The following NFIX variants were observed in gnomAD, a reference collection of about 807,000 sequenced individuals.
NFIX encodes the protein nuclear factor 1 X-type.
In NFIX, 2 loss-of-function variants were observed where a neutral mutation model predicts 53.3. That is an observed-to-expected ratio of 0.04 (90% CI 0.02 to 0.12). The LOEUF (loss-of-function observed/expected upper bound fraction) is 0.12. NFIX is among the 10% of genes least tolerant of loss of function. NFIX has a pLI of 1.00. For missense variants in NFIX, 310 were observed against 674.5 expected (o/e 0.46, Z 5.99); for synonymous variants, 244 against 289.0 (o/e 0.84, Z 1.58).
intron 2 of NFIX, among the ~76,000 whole-genome samples, chr19:13,046,337 G>C (rs899223): frequency 0.07 from 10,578 of 152,102 alleles, 469 homozygotes; most frequent in Admixed American, 0.11. Context: ...GGGCAGGGTG[G>C]CTTCTGATGC....
intron 2 of NFIX, among the ~76,000 whole-genome samples, chr19:13,064,125 G>A (rs953667709): frequency 1.2e-4 from 19 of 152,194 alleles, no homozygotes; most frequent in African/African-American, 4.3e-4. Context: ...GGGGTATGGA[G>A]GGCATTCTCC....
At chr19:13,092,185 C>G (rs552468056) in intron 10 of NFIX, among the ~76,000 whole-genome samples, 1 of 152,218 alleles carries the variant, frequency 6.6e-6, no homozygotes, top group African/African-American at 2.4e-5. Context: ...ATCTCTGGAG[C>G]ACCAGATGGA....
chr19:13,077,693 G>C (rs1375621901), intron 6 of NFIX, among the ~76,000 whole-genome samples: 1 of 152,170 alleles, frequency 6.6e-6, no homozygotes, highest in Non-Finnish European at 1.5e-5. Flanking sequence ...TGTGAGATCT[G>C]CCCCAACTCT....
rs1373146412 is a variant in NFIX at position 13,089,795 on chromosome 19, C to T, written c.1403-504C>T. Among the ~76,000 whole-genome samples the T allele has an allele frequency of 3.3e-5, 5 of 152,158 alleles. No individual in the cohort carries two copies. Among genetic ancestry groups the T allele is most frequent in the East Asian group, 1.9e-4 (1 of 5,176 alleles). ...GGTAGCCTGGCTGGGAAGGCCTTCCCGAAGCAGGGTGGGGCCGGACTGCCA... is the reference window on the plus strand; with the variant it reads ...GGTAGCCTGGCTGGGAAGGCCTTCCTGAAGCAGGGTGGGGCCGGACTGCCA... On this transcript the variant is annotated intron_variant, in intron 9 of 10. Coordinates refer to ENST00000592199, the MANE Select transcript of NFIX (RefSeq NM_001365902.3). The surrounding 1 kb of genome is among the most constrained non-coding windows in gnomAD (Gnocchi z 4.8).
chr19:13,030,331 C>T (rs1431937630), intron 2 of NFIX, among the ~76,000 whole-genome samples: 2 of 152,148 alleles, frequency 1.3e-5, no homozygotes, highest in Non-Finnish European at 2.9e-5. Context: ...TAGGATGGTT[C>T]CAGGGATTAA....
chr19:13,062,623 G>C (rs1199325021), intron 2 of NFIX, among the ~76,000 whole-genome samples: 1 of 152,170 alleles, frequency 6.6e-6, no homozygotes, highest in Non-Finnish European at 1.5e-5. Flanking sequence ...CACTTCCCCA[G>C]CCATGGACCA....
intron 10 of NFIX, among the ~76,000 whole-genome samples, chr19:13,092,823 G>C (rs530598506): frequency 2.0e-5 from 3 of 152,328 alleles, no homozygotes; most frequent in Non-Finnish European, 2.9e-5. Flanking sequence ...ACCCACTCTG[G>C]GGATGCCTCA....
In NFIX at chr19:13,021,744, C is replaced by A. The variant is rs906541685; in HGVS notation, c.28-3277C>A. On this transcript the variant is annotated intron_variant, in intron 1 of 10. Transcript: ENST00000592199. This position sits in a 1 kb window ranked among gnomAD's most constrained non-coding sequence, Gnocchi z 4.2. ...TGCTCCATAGCTCTAACTGGAGAGA[C>A]CCCCTCAGAAGTGGGACTCCCCTAC... Among the ~76,000 whole-genome samples, 1 of 151,950 alleles carries A rather than the reference C, an allele frequency of 6.6e-6. No individual in the cohort carries two copies. The highest frequency in any genetic ancestry group is 2.4e-5 in the African/African-American group (1 of 41,362).
intron 2 of NFIX, chr19:13,070,123 C>G (rs1042191642): frequency 2.0e-5 from 3 of 152,006 alleles, no homozygotes; most frequent in Non-Finnish European, 4.4e-5. Flanking sequence ...CTCCTTGCCT[C>G]CCCAGGAGCT....
chr19:13,023,113 C>A (rs927605402), intron 1 of NFIX, among the ~76,000 whole-genome samples: 10 of 125,602 alleles, frequency 8.0e-5, no homozygotes, highest in Non-Finnish European at 1.4e-4. Flanking sequence ...TTTCTCCCCC[C>A]ACCCCTTTTT....
intron 1 of NFIX, among the ~76,000 whole-genome samples, chr19:13,007,648 C>T (rs1402126281): frequency 2.6e-5 from 4 of 152,218 alleles, no homozygotes; most frequent in East Asian, 1.9e-4. Context: ...GCCTCGCCTT[C>T]GGTACTTGTG....
Position 13,088,314 on chromosome 19 carries a change from C to T in NFIX, c.1402+178C>T, listed in dbSNP as rs1242952168. Among the ~76,000 whole-genome samples the T allele has an allele frequency of 6.6e-6, 1 of 151,988 alleles. No individual in the cohort carries two copies. The highest frequency in any genetic ancestry group is 1.5e-5 in the Non-Finnish European group (1 of 67,960). Reference sequence around the variant, plus strand: ...CACAGCCTCCCTCCCGGGCCTCAGTCGCACCAGCCAGCACCCCACGAGCCC... The same window carrying T: ...CACAGCCTCCCTCCCGGGCCTCAGTTGCACCAGCCAGCACCCCACGAGCCC... On this transcript the variant is annotated intron_variant, in intron 9 of 10. Coordinates refer to ENST00000592199, the MANE Select transcript of NFIX (RefSeq NM_001365902.3). This position sits in a 1 kb window ranked among gnomAD's most constrained non-coding sequence, Gnocchi z 5.9.
intron 1 of NFIX, among the ~76,000 whole-genome samples, chr19:13,007,320 G>A (rs373078703): frequency 3.3e-5 from 5 of 152,238 alleles, no homozygotes; most frequent in East Asian, 3.9e-4. Flanking sequence ...GGCTTTCTGC[G>A]TGCTCGTGTG....
At chr19:13,050,924 T>C (rs756454935) in intron 2 of NFIX, among the ~76,000 whole-genome samples, 2 of 152,244 alleles carry the variant, frequency 1.3e-5, no homozygotes, top group African/African-American at 2.4e-5. Context: ...ACAGATGGCC[T>C]GTCCCTTCCG....
chr19:13,059,804 G>A (rs1487407639), intron 2 of NFIX, among the ~76,000 whole-genome samples: 1 of 85,620 alleles, frequency 1.2e-5, no homozygotes, highest in Non-Finnish European at 2.2e-5. Flanking sequence ...TTTTTTTTGA[G>A]ACGGAGTCTC....
intron 10 of NFIX, among the ~76,000 whole-genome samples, chr19:13,092,145 G>A (rs1390700551): frequency 6.6e-6 from 1 of 152,196 alleles, no homozygotes; most frequent in Non-Finnish European, 1.5e-5. Flanking sequence ...AGCCGGGGGT[G>A]GTTTCCACAG....
At position 13,022,341 on chromosome 19, in the gene NFIX, G is replaced by A. The variant is rs116251687; in HGVS notation, c.28-2680G>A. ...CCGAAGGAGGAGGCTGAGCTTGCTG[G>A]GGGCTGGGGGAGAAGGGAGGGACGT... On this transcript the variant is annotated intron_variant, in intron 1 of 10. Coordinates refer to ENST00000592199, the MANE Select transcript of NFIX (RefSeq NM_001365902.3). The surrounding 1 kb of genome is among the most constrained non-coding windows in gnomAD (Gnocchi z 4.5). 7.4e-3 allele frequency among the ~76,000 whole-genome samples: 1,125 copies of A among 152,252 alleles called. 12 individuals are homozygous for A. The highest frequency in any genetic ancestry group is 0.026 in the African/African-American group (1,081 of 41,532).
rs780794898 is a variant in NFIX at position 13,027,014 on chromosome 19, G to A, written c.559+1462G>A. Among the ~76,000 whole-genome samples, 2 of 152,164 alleles carry A rather than the reference G, an allele frequency of 1.3e-5. No individual in the cohort carries two copies. The highest frequency in any genetic ancestry group is 2.4e-5 in the African/African-American group (1 of 41,432). ...ATAACTGGATCCAGAAATAAAATTC[G>A]GGTTTGGGGGTGCTTTCAGCACTGC... On this transcript the variant is annotated intron_variant, in intron 2 of 10. Transcript: ENST00000592199. The surrounding 1 kb of genome is among the most constrained non-coding windows in gnomAD (Gnocchi z 4.3).
intron 2 of NFIX, among the ~76,000 whole-genome samples, chr19:13,059,304 C>T (rs1256483076): frequency 6.6e-6 from 1 of 152,182 alleles, no homozygotes; most frequent in South Asian, 2.1e-4. Context: ...CTGCGCCTGT[C>T]GCCTCTCCCC....
Sources: allele counts gnomAD v4.1 joint callset (sites outside exome capture counted in the v4.1 genomes callset), GRCh38; gene constraint gnomAD v4.1.1; non-coding constraint Gnocchi (gnomAD v3.1); transcripts MANE v1.5; gene names NCBI Gene and HGNC (gene_info 2026-07-23, HGNC 2026-07-21).